GSE1: variants seen among roughly 807,000 people sequenced by gnomAD.
The protein encoded by GSE1 is Gse1 coiled-coil protein.
A neutral mutation model predicts 112.6 loss-of-function variants in GSE1; 32 were observed. The observed-to-expected ratio is 0.28, with a 90% CI of 0.21 to 0.38. The LOEUF (loss-of-function observed/expected upper bound fraction) is 0.38. Among genes scored for constraint, GSE1 ranks in the 10% least tolerant of loss-of-function variants. The pLI is 1.00. For missense variants in GSE1, 2,348 were observed against 1,699.2 expected (o/e 1.38, Z -6.71); for synonymous variants, 1,115 against 735.6 (o/e 1.52, Z -8.35).
intron 1 of GSE1, among the ~76,000 whole-genome samples, chr16:85,213,701 C>T (rs2075264259): frequency 6.6e-6 from 1 of 152,254 alleles, no homozygotes. Flanking sequence ...AGCCTGGACT[C>T]ACACGCATCA....
At chr16:85,570,664 C>T (rs143221862) in intron 1 of GSE1, among the ~76,000 whole-genome samples, 4 of 152,326 alleles carry the variant, frequency 2.6e-5, no homozygotes, top group Non-Finnish European at 4.4e-5. Flanking sequence ...GCAAATAGCC[C>T]GCAACCAACT....
intron 2 of GSE1, among the ~76,000 whole-genome samples, chr16:85,396,899 CAA>C (rs10586187): frequency 0.035 from 5,267 of 152,160 alleles, 312 homozygotes; most frequent in African/African-American, 0.12. Flanking sequence ...CAGAGAGCAA[CAA>C]AGAGACAGCG....
At chr16:85,551,742 T>A (rs1034696472), upstream of GSE1, among the ~76,000 whole-genome samples, 2 of 152,222 alleles carry the variant, frequency 1.3e-5, no homozygotes, top group African/African-American at 4.8e-5. Flanking sequence ...CAAAGGAGGC[T>A]GGGCTATCGC....
intron 2 of GSE1, among the ~76,000 whole-genome samples, chr16:85,527,795 T>C (rs2052411723): frequency 6.6e-6 from 1 of 152,184 alleles, no homozygotes; most frequent in African/African-American, 2.4e-5. Context: ...AGCACAGACA[T>C]ATACAGGAGT....
rs2045844798 is a variant in GSE1 at position 85,311,477 on chromosome 16, G to A, written c.2284-45986G>A. Reference sequence around the variant, plus strand: ...GGGACAGGACGTGGGCGGAGCCCTCGGCTGCCTCCCACCGTGGGACATTGG... The same window carrying A: ...GGGACAGGACGTGGGCGGAGCCCTCAGCTGCCTCCCACCGTGGGACATTGG... On this transcript the variant is annotated intron_variant, in intron 1 of 2. Transcript: ENST00000637419. This position sits in a 1 kb window ranked among gnomAD's most constrained non-coding sequence, Gnocchi z 4.2. 1.3e-5 allele frequency among the ~76,000 whole-genome samples: 2 copies of A among 152,148 alleles called. No homozygotes were observed. Among genetic ancestry groups the A allele is most frequent in the African/African-American group, 2.4e-5 (1 of 41,544 alleles).
chr16:85,425,322 C>CGGGTGTTGTG (rs56307279), intron 2 of GSE1, among the ~76,000 whole-genome samples: 1 of 151,776 alleles, frequency 6.6e-6, no homozygotes, highest in Non-Finnish European at 1.5e-5. Flanking sequence ...GAGGTGGTGA[C>CGGGTGTTGTG]AGCAGGAAGC....
chr16:85,214,215 C>T (rs549710100), intron 1 of GSE1, among the ~76,000 whole-genome samples: 87 of 152,150 alleles, frequency 5.7e-4, no homozygotes, highest in Admixed American at 9.8e-4. Flanking sequence ...GGCACCACCT[C>T]GGGGAAGCCG....
At chr16:85,501,503 C>T (rs1265138255) in intron 2 of GSE1, among the ~76,000 whole-genome samples, 1 of 150,968 alleles carries the variant, frequency 6.6e-6, no homozygotes, top group Non-Finnish European at 1.5e-5. Flanking sequence ...AGCGATCTCC[C>T]GCCTCAGCCT....
chr16:85,539,297 G>A (rs1255192182), intron 2 of GSE1, among the ~76,000 whole-genome samples: 1 of 152,230 alleles, frequency 6.6e-6, no homozygotes, highest in African/African-American at 2.4e-5. Context: ...ATGTTTCCCG[G>A]CTCCAGCCAC....
At chr16:85,422,723 C>A (rs947194772) in intron 2 of GSE1, among the ~76,000 whole-genome samples, 2 of 152,094 alleles carry the variant, frequency 1.3e-5, no homozygotes, top group African/African-American at 4.8e-5. Flanking sequence ...GCAGAAGCCG[C>A]TTGGGGACTT....
intron 2 of GSE1, among the ~76,000 whole-genome samples, chr16:85,427,946 C>T (rs1410886702): frequency 6.6e-6 from 1 of 152,314 alleles, no homozygotes; most frequent in African/African-American, 2.4e-5. Context: ...TTATTTTTGT[C>T]CTAAATCTTC....
At chr16:85,268,235 GCA>G (rs1491036507) in intron 1 of GSE1, among the ~76,000 whole-genome samples, 2 of 49,906 alleles carry the variant, frequency 4.0e-5, no homozygotes, top group Admixed American at 2.0e-4. Flanking sequence ...ACAAGGTGTG[GCA>G]CAAGGGTTCT....
At chr16:85,408,834 T>C (rs547579916) in intron 2 of GSE1, among the ~76,000 whole-genome samples, 56 of 40,840 alleles carry the variant, frequency 1.4e-3, no homozygotes, top group East Asian at 2.1e-3. Flanking sequence ...TAATCCTCAC[T>C]GTTACACTCA....
rs2151929591 is a variant in GSE1, at chr16:85,655,907, A to G, written c.979A>G (p.Ser327Gly). Reference protein sequence around the residue: ...ALHSERMSGLSAERLQMDEEL... With the variant: ...ALHSERMSGLGAERLQMDEEL... ...GCACTCGGAGCGCATGTCTGGCCTC[A>G]GCGCGGAGAGGTAAGTGCGTCTCGA... The change falls in exon 6 of 16, where the codon AGC (serine) becomes GGC (glycine). Residue 327 changes from serine (S) to glycine (G), a missense_variant. Ser to Gly is a moderately conservative substitution (Grantham distance 56). Coordinates refer to ENST00000253458, the MANE Select transcript of GSE1 (RefSeq NM_014615.5). 2.5e-6 allele frequency: 4 copies of G among 1,602,666 alleles called. No homozygotes were observed. The highest frequency in any genetic ancestry group is 2.2e-5 in the East Asian group (1 of 44,862).
intron 1 of GSE1, among the ~76,000 whole-genome samples, chr16:85,565,048 A>G (rs1184988412): frequency 1.3e-5 from 2 of 152,110 alleles, no homozygotes; most frequent in Non-Finnish European, 2.9e-5. Flanking sequence ...CAAGCCGGTG[A>G]CACATGAACT....
exon 1 of GSE1, chr16:85,556,283 C>T (rs2045206610): frequency 1.0e-6 from 1 of 983,896 alleles, no homozygotes; most frequent in Non-Finnish European, 1.2e-6. Flanking sequence ...TATTATTTTC[C>T]TTCTTCATCC....
chr16:85,374,952 C>A (rs972733827), intron 2 of GSE1, among the ~76,000 whole-genome samples: 1 of 152,182 alleles, frequency 6.6e-6, no homozygotes, highest in African/African-American at 2.4e-5. Context: ...ATTGGGCACC[C>A]CTTTGCCCCC....
At chr16:85,537,921 G>T (rs975469098) in intron 2 of GSE1, among the ~76,000 whole-genome samples, 1 of 152,350 alleles carries the variant, frequency 6.6e-6, no homozygotes, top group African/African-American at 2.4e-5. Flanking sequence ...CCAGACAGAG[G>T]CCTGAGGCAG....
intron 1 of GSE1, among the ~76,000 whole-genome samples, chr16:85,207,199 TCCCAA>T (rs1280654158): frequency 3.9e-5 from 6 of 152,242 alleles, no homozygotes; most frequent in African/African-American, 1.2e-4. Flanking sequence ...CCCCCCGTCC[TCCCAA>T]GGGCACTGCT....
Sources: allele counts gnomAD v4.1 joint callset (sites outside exome capture counted in the v4.1 genomes callset), GRCh38; gene constraint gnomAD v4.1.1; non-coding constraint Gnocchi (gnomAD v3.1); transcripts MANE v1.5; gene names NCBI Gene and HGNC (gene_info 2026-07-23, HGNC 2026-07-21).